The following PXDNL variants were observed in gnomAD, a reference collection of about 807,000 sequenced individuals.
PXDNL encodes the protein probable oxidoreductase PXDNL.
PXDNL carries 145 observed loss-of-function variants against 150.8 expected under a neutral mutation model. The observed-to-expected ratio is 0.96, with a 90% CI of 0.84 to 1.10. The LOEUF is 1.10. Ranked by LOEUF, PXDNL falls within the 50% of genes least tolerant of loss-of-function variation. PXDNL has a pLI of 0.00. For missense variants in PXDNL, 2,087 were observed against 1,873.9 expected, an observed-to-expected ratio of 1.11 and a Z score of -2.10; for synonymous variants, 757 against 725.7, an observed-to-expected ratio of 1.04 and a Z score of -0.69.
intron 2 of PXDNL, among the ~76,000 whole-genome samples, chr8:51,593,024 G>A (rs1813479235): frequency 6.6e-6 from 1 of 152,072 alleles, no homozygotes; most frequent in Non-Finnish European, 1.5e-5. Flanking sequence ...GGTAACAAAG[G>A]AACATATTCC....
At chr8:51,436,190 C>A in intron 12 of PXDNL, 2 of 521,228 alleles carry the variant, frequency 3.8e-6, no homozygotes, top group Middle Eastern at 4.3e-4. Context: ...TGGTATCATC[C>A]CAAAAGCCAA....
intron 17 of PXDNL, among the ~76,000 whole-genome samples, chr8:51,399,069 C>G (rs1290960254): frequency 6.6e-6 from 1 of 151,908 alleles, no homozygotes; most frequent in East Asian, 1.9e-4. Flanking sequence ...AGAATATTTC[C>G]AACCAGAAGA....
At chr8:51,744,675 C>A (rs1177396939) in intron 1 of PXDNL, among the ~76,000 whole-genome samples, 163 of 38,854 alleles carry the variant, frequency 4.2e-3, no homozygotes, top group South Asian at 6.7e-3. Flanking sequence ...GACTCCATCT[C>A]AAAAAAAAAA....
intron 1 of PXDNL, among the ~76,000 whole-genome samples, chr8:51,731,175 G>C (rs1401320386): frequency 1.3e-5 from 2 of 152,210 alleles, no homozygotes; most frequent in Non-Finnish European, 2.9e-5. Flanking sequence ...CTAAGAGCCT[G>C]TAAAATCAAA....
intron 10 of PXDNL, among the ~76,000 whole-genome samples, chr8:51,452,769 A>T (rs1285716379): frequency 1.3e-5 from 2 of 152,242 alleles, no homozygotes; most frequent in Non-Finnish European, 2.9e-5. Context: ...AAAACGGATC[A>T]TGTAAATTAC....
intron 7 of PXDNL, among the ~76,000 whole-genome samples, chr8:51,474,303 T>C (rs1810423497): frequency 6.6e-6 from 1 of 152,168 alleles, no homozygotes; most frequent in African/African-American, 2.4e-5. Context: ...GGAATAGAGA[T>C]ACATAGAGAC....
intron 12 of PXDNL, among the ~76,000 whole-genome samples, chr8:51,445,881 A>G (rs759122093): frequency 6.6e-6 from 1 of 151,972 alleles, no homozygotes; most frequent in Non-Finnish European, 1.5e-5. Context: ...TCATAGCCTG[A>G]CACCTTTCCA....
intron 1 of PXDNL, among the ~76,000 whole-genome samples, chr8:51,736,555 C>T (rs1364552801): frequency 2.6e-5 from 4 of 152,284 alleles, no homozygotes; most frequent in South Asian, 4.2e-4. Flanking sequence ...TGGATCAGCC[C>T]ACTCCTTGTT....
rs573444829 is a variant in PXDNL, at chr8:51,358,663, C to T, written c.3902-12716G>A. Among the ~76,000 whole-genome samples, 97 of 152,222 alleles carry T rather than the reference C, an allele frequency of 6.4e-4. 3 individuals are homozygous for T. The highest frequency in any genetic ancestry group is 8.3e-4 in the South Asian group (4 of 4,820). ...CCAGCATGAGGTCCTCATCACAGGA[C>T]GCTCATTGCAGCACGCGGACAATGA... On this transcript the variant is annotated intron_variant, in intron 19 of 22. Coordinates refer to ENST00000356297, the MANE Select transcript of PXDNL (RefSeq NM_144651.5).
intron 1 of PXDNL, among the ~76,000 whole-genome samples, chr8:51,769,431 T>C (rs907736029): frequency 2.0e-5 from 3 of 152,222 alleles, no homozygotes; most frequent in Admixed American, 6.5e-5. Flanking sequence ...CTCCAACTCA[T>C]GATGGGATTA....
chr8:51,432,067 A>G (rs1011045363), intron 12 of PXDNL, among the ~76,000 whole-genome samples: 3 of 152,196 alleles, frequency 2.0e-5, no homozygotes, highest in South Asian at 2.1e-4. Context: ...AAATCTTTCT[A>G]TACTATCATA....
intron 2 of PXDNL, among the ~76,000 whole-genome samples, chr8:51,611,872 C>T (rs751708173): frequency 1.3e-5 from 2 of 152,150 alleles, no homozygotes; most frequent in South Asian, 2.1e-4. Context: ...GTAGGAGGAG[C>T]GAGGCCAGGA....
chr8:51,479,044 G>T (rs1810544271), intron 6 of PXDNL, among the ~76,000 whole-genome samples: 1 of 152,216 alleles, frequency 6.6e-6, no homozygotes, highest in Non-Finnish European at 1.5e-5. Context: ...GCACATCACT[G>T]TAAGGAGAAC....
At chr8:51,782,268 A>C (rs2037422709) in intron 1 of PXDNL, among the ~76,000 whole-genome samples, 1 of 152,148 alleles carries the variant, frequency 6.6e-6, no homozygotes, top group Non-Finnish European at 1.5e-5. Context: ...TGTGTGGATT[A>C]AAGCAGTCAC....
chr8:51,698,214 T>C (rs985613619), intron 1 of PXDNL, among the ~76,000 whole-genome samples: 3 of 152,256 alleles, frequency 2.0e-5, no homozygotes, highest in Admixed American at 1.3e-4. Context: ...AGAATTTCTC[T>C]GTATCATGCA....
At chr8:51,682,386 C>A (rs1456744940) in intron 1 of PXDNL, among the ~76,000 whole-genome samples, 1 of 152,184 alleles carries the variant, frequency 6.6e-6, no homozygotes, top group Non-Finnish European at 1.5e-5. Context: ...TACAGCATGT[C>A]TTTTGCCTCA....
At chr8:51,621,342 A>G (rs1449827987) in intron 2 of PXDNL, among the ~76,000 whole-genome samples, 1 of 152,164 alleles carries the variant, frequency 6.6e-6, no homozygotes, top group Non-Finnish European at 1.5e-5. Flanking sequence ...ACTATAGAGC[A>G]CTTAAAATAA....
At chr8:51,338,119 G>A (rs1805883276) in intron 21 of PXDNL, among the ~76,000 whole-genome samples, 1 of 148,334 alleles carries the variant, frequency 6.7e-6, no homozygotes, top group Non-Finnish European at 1.5e-5. Flanking sequence ...GCAGAGGTAG[G>A]TTGCAGTGAG....
rs1372432608 is a variant in PXDNL at position 51,319,598 on chromosome 8, T to G, written c.*293A>C. On this transcript the variant is annotated 3_prime_UTR_variant, in exon 23 of 23. Coordinates refer to ENST00000356297, the MANE Select transcript of PXDNL (RefSeq NM_144651.5). The stretch of plus-strand genomic sequence containing the variant: ...CATATATTTTTTAAATATTCCATGA[T>G]ATTCTTTTTATTTCCAGGTGTGGCA... 1 of 185,314 alleles carries G rather than the reference T, an allele frequency of 5.4e-6. No homozygotes were observed. Among genetic ancestry groups the G allele is most frequent in the Non-Finnish European group, 1.1e-5 (1 of 90,384 alleles). The allele number at this position is 185,314 out of a possible 1,614,324, so 11.5% of individuals were successfully genotyped here.
Sources: allele counts gnomAD v4.1 joint callset (sites outside exome capture counted in the v4.1 genomes callset), GRCh38; gene constraint gnomAD v4.1.1; transcripts MANE v1.5; gene names NCBI Gene and HGNC (gene_info 2026-07-23, HGNC 2026-07-21).